The following ACAD11 variants were observed in gnomAD, a reference collection of about 807,000 sequenced individuals.
ACAD11 encodes acyl-CoA dehydrogenase family member 11.
In ACAD11, 83 loss-of-function variants were observed where a neutral mutation model predicts 102.2. The observed-to-expected ratio is 0.81, with a 90% CI of 0.68 to 0.97. The LOEUF is 0.97. Ranked by LOEUF, ACAD11 falls within the 50% of genes least tolerant of loss-of-function variation. The probability of loss-of-function intolerance (pLI) is 0.00; values close to 1 mark genes in which losing one functional copy is unlikely to be tolerated. For missense variants in ACAD11, 901 were observed against 951.7 expected (o/e 0.95, Z 0.70); for synonymous variants, 324 against 319.8 (o/e 1.01, Z -0.14).
At chr3:132,644,606 T>C (rs577390670) in intron 2 of ACAD11, among the ~76,000 whole-genome samples, 191 bp downstream of exon 2, 1 of 152,204 alleles carries the variant, frequency 6.6e-6, no homozygotes, top group Non-Finnish European at 1.5e-5. Context: ...AAAGATAGAC[T>C]TACATTTCAA....
At chr3:132,605,346 A>T in intron 11 of ACAD11, 141 bp from the exon 12 acceptor site, 1 of 520,026 alleles carries the variant, frequency 1.9e-6, no homozygotes. Context: ...TATAGTAAAT[A>T]TAATTTATAC....
chr3:132,591,702 C>A (rs1234403027), intron 13 of ACAD11, among the ~76,000 whole-genome samples: 2 of 151,986 alleles, frequency 1.3e-5, no homozygotes, highest in Non-Finnish European at 2.9e-5. Flanking sequence ...CCAGCCCGGG[C>A]AACCTAGCGA....
intron 9 of ACAD11, among the ~76,000 whole-genome samples, chr3:132,623,074 T>C (rs1232492474): frequency 2.6e-5 from 4 of 152,224 alleles, no homozygotes; most frequent in African/African-American, 7.2e-5. Context: ...TATTTTCCAA[T>C]TGGAAGAATT....
At position 132,575,815 on chromosome 3, in the gene ACAD11, C is replaced by T. The variant is rs140419880; in HGVS notation, c.1958G>A (p.Arg653Gln). ...CTTGAAAGCTATCCTTTGTGTTGCC[C>T]GCTCACACATGATCTGCAAAGCGCG... ...AERALQIMCE[R>Q]ATQRIAFKKK... The change falls in exon 17 of 20, where the codon CGG becomes CAG. Residue 653 changes from arginine (R) to glutamine (Q), a missense_variant. By Grantham distance (43) the Arg-to-Gln change is conservative (BLOSUM62 1). Transcript: ENST00000264990. The T allele has an allele frequency of 4.3e-5, 70 of 1,613,930 alleles. No individual in the cohort carries two copies. The highest frequency in any genetic ancestry group is 4.6e-5 in the Non-Finnish European group (54 of 1,179,962).
chr3:132,609,005 C>G (rs1938989298), intron 11 of ACAD11, among the ~76,000 whole-genome samples: 1 of 152,136 alleles, frequency 6.6e-6, no homozygotes, highest in Non-Finnish European at 1.5e-5. Flanking sequence ...AACCGCACAT[C>G]TATATGATAA....
At chr3:132,580,315 C>T (rs1559938100) in intron 13 of ACAD11, among the ~76,000 whole-genome samples, 1 of 151,886 alleles carries the variant, frequency 6.6e-6, no homozygotes, top group Admixed American at 6.6e-5. Context: ...TATAAAATTC[C>T]AGGAGTTAAA....
chr3:132,613,502 G>A (rs1380485700), intron 11 of ACAD11, among the ~76,000 whole-genome samples: 2 of 151,992 alleles, frequency 1.3e-5, no homozygotes, highest in African/African-American at 4.8e-5. Flanking sequence ...TGGAAGTTCT[G>A]GCCAGGGCAA....
At position 132,579,530 on chromosome 3, in the gene ACAD11, T is replaced by A. The variant is rs1937569114; in HGVS notation, c.1650A>T (p.Ala550=). The A allele has an allele frequency of 6.2e-7, 1 of 1,613,130 alleles. No homozygotes were observed. Among genetic ancestry groups the A allele is most frequent in the Non-Finnish European group, 8.5e-7 (1 of 1,179,376 alleles). Residue 550 remains alanine (A), a synonymous_variant, in exon 14 of 20, where the codon GCA becomes GCT. Coordinates refer to ENST00000264990, the MANE Select transcript of ACAD11 (RefSeq NM_032169.5). ...TATTTTGAGTTCTTCCCAAAACAAT[T>A]GCAATTTTGCACTTGGGATTCCCAG... ...SGAGNPKCKI[A]IVLGRTQNTS...
intron 4 of ACAD11, among the ~76,000 whole-genome samples, chr3:132,641,590 AGAAGAAGAAGAAGAGGAG>A (rs1384838258): frequency 8.7e-5 from 13 of 150,226 alleles, no homozygotes; most frequent in African/African-American, 3.2e-4. Flanking sequence ...AAGAAGAAGA[AGAAGAAGAAGAAGAGGAG>A]GAAGAAGAGG....
intron 8 of ACAD11, among the ~76,000 whole-genome samples, chr3:132,627,459 A>T (rs1429079664): frequency 6.6e-6 from 1 of 152,218 alleles, no homozygotes; most frequent in Non-Finnish European, 1.5e-5. Flanking sequence ...CAGAAGAAAA[A>T]GCAAAGAAGT....
chr3:132,573,251 G>A (rs958832123), intron 17 of ACAD11, among the ~76,000 whole-genome samples: 4 of 152,030 alleles, frequency 2.6e-5, no homozygotes, highest in South Asian at 2.1e-4. Flanking sequence ...TCCCTAAAGC[G>A]GTGATGTTCA....
chr3:132,644,908 TAAA>T lies in ACAD11; in HGVS notation c.150-15_150-13del. ...TGGACTTTCCTGCTCTAGATAAAAGTAAAAAAAAAAAAGGTCAATTACAAAGAT... is the reference window on the plus strand; with the variant it reads ...TGGACTTTCCTGCTCTAGATAAAAGTAAAAAAAAAGGTCAATTACAAAGAT... On this transcript the variant is annotated splice_polypyrimidine_tract_variant and intron_variant, in intron 1 of 19. Coordinates refer to ENST00000264990, the MANE Select transcript of ACAD11 (RefSeq NM_032169.5). 18 of 1,256,800 alleles carry T rather than the reference TAAA, an allele frequency of 1.4e-5. No individual in the cohort carries two copies. Among genetic ancestry groups the T allele is most frequent in the Admixed American group, 2.3e-5 (1 of 42,646 alleles). The allele number at this position is 1,256,800 out of a possible 1,614,324, so 77.9% of individuals were successfully genotyped here. A position where few individuals can be genotyped will look rare whatever the true frequency, so the allele number is the denominator to read the frequency against.
chr3:132,563,368 T>A (rs1937119653), intron 17 of ACAD11, among the ~76,000 whole-genome samples: 1 of 152,220 alleles, frequency 6.6e-6, no homozygotes, highest in Non-Finnish European at 1.5e-5. Context: ...TGATTGGAAC[T>A]GCCTTAAGTC....
chr3:132,640,358 G>C (rs1364909152), intron 4 of ACAD11, among the ~76,000 whole-genome samples: 2 of 152,104 alleles, frequency 1.3e-5, no homozygotes, highest in African/African-American at 4.8e-5. Context: ...AAAGTCCTGG[G>C]ATTACAAGCT....
chr3:132,656,041 C>T (rs1937775102), intron 1 of ACAD11, among the ~76,000 whole-genome samples: 1 of 152,162 alleles, frequency 6.6e-6, no homozygotes, highest in Admixed American at 6.5e-5. Context: ...GTATGTCCTT[C>T]CCCTTGAGTG....
At chr3:132,643,923 C>A (rs935478351) in intron 2 of ACAD11, among the ~76,000 whole-genome samples, 1 of 151,956 alleles carries the variant, frequency 6.6e-6, no homozygotes, top group East Asian at 1.9e-4. Flanking sequence ...GGGATGTTAT[C>A]AAGAAAAGAG....
intron 13 of ACAD11, among the ~76,000 whole-genome samples, chr3:132,598,589 T>C (rs1938417405): frequency 6.6e-6 from 1 of 152,356 alleles, no homozygotes; most frequent in East Asian, 1.9e-4. Context: ...AGATTGCTAA[T>C]ACATCAGGAA....
rs541088355 is a variant in ACAD11, at chr3:132,578,220, A to G, written c.1774+576T>C. On this transcript the variant is annotated intron_variant, in intron 15 of 19. Transcript: ENST00000264990. The stretch of plus-strand genomic sequence containing the variant: ...CTAAAAATACAAAAATTAGCTGGGC[A>G]TGGTGGCTAAGCAAATACTTGCTGA... 3.9e-4 allele frequency among the ~76,000 whole-genome samples: 59 copies of G among 152,268 alleles called. 1 individual carries two copies. The highest frequency in any genetic ancestry group is 1.1e-3 in the Admixed American group (17 of 15,284).
In ACAD11 at chr3:132,558,885, C is replaced by A; in HGVS notation, c.*86G>T. 1.0e-6 allele frequency: 1 copy of A among 997,718 alleles called. No individual in the cohort carries two copies. The highest frequency in any genetic ancestry group is 1.5e-5 in the South Asian group (1 of 67,650). 61.8% of individuals were successfully genotyped at this position (997,718 alleles called of 1,614,324 possible). A position where few individuals can be genotyped will look rare whatever the true frequency, so the allele number is the denominator to read the frequency against. ...AATTAACCCTGTGCTCAAACTGCTA[C>A]AAAAATATGAGATTCAAATGTTGGA... On this transcript the variant is annotated 3_prime_UTR_variant, in exon 20 of 20. Coordinates refer to ENST00000264990, the MANE Select transcript of ACAD11 (RefSeq NM_032169.5).
Sources: allele counts gnomAD v4.1 joint callset (sites outside exome capture counted in the v4.1 genomes callset), GRCh38; gene constraint gnomAD v4.1.1; transcripts MANE v1.5; gene names NCBI Gene and HGNC (gene_info 2026-07-23, HGNC 2026-07-21).